Variants in WDR62 observed in about 807,000 individuals in gnomAD.
WDR62 encodes WD repeat-containing protein 62.
Under a neutral mutation model 160.6 loss-of-function variants are expected in WDR62, and 112 were observed. That is an observed-to-expected ratio of 0.70 (90% CI 0.60 to 0.82). The LOEUF (loss-of-function observed/expected upper bound fraction) is 0.82, where lower values mean the gene tolerates loss of function less well. WDR62 is among the 40% of genes least tolerant of loss of function. WDR62 has a pLI of 0.00. For synonymous variants in WDR62, 792 were observed against 815.1 expected (o/e 0.97, Z 0.48); for missense variants, 1,819 against 1,983.8 (o/e 0.92, Z 1.58).
At chr19:36,080,130 C>T (rs1206540459) in intron 9 of WDR62, among the ~76,000 whole-genome samples, 3 of 149,746 alleles carry the variant, frequency 2.0e-5, no homozygotes, top group Non-Finnish European at 3.0e-5. Context: ...TTTTTTGAGA[C>T]GGAGTCTCCC....
rs1398990905 is a variant in WDR62, at chr19:36,089,215, C to T, written c.1867C>T (p.His623Tyr). The change falls in exon 15 of 32, where the codon CAC becomes TAC. Residue 623 changes from histidine (H) to tyrosine (Y), a missense_variant. Physicochemically the swap from His to Tyr is moderately conservative, Grantham distance 83 (BLOSUM62 2). Transcript: ENST00000401500. The part of the protein sequence containing the change: ...GSDGLHFVRT[H>Y]HVAEKTTLYD... Reference sequence around the variant, plus strand: ...GGATGGACTACACTTTGTCCGTACCCACCACGTAGCAGAGAAAACCACCTT... The same window carrying T: ...GGATGGACTACACTTTGTCCGTACCTACCACGTAGCAGAGAAAACCACCTT... 6 of 1,614,204 alleles carry T rather than the reference C, an allele frequency of 3.7e-6. No individual in the cohort carries two copies. The highest frequency in any genetic ancestry group is 5.1e-6 in the Non-Finnish European group (6 of 1,180,030).
intron 19 of WDR62, 105 bp downstream of exon 19, chr19:36,092,916 C>A: frequency 6.6e-7 from 1 of 1,525,858 alleles, no homozygotes; most frequent in Non-Finnish European, 9.1e-7. Flanking sequence ...TAGGCCCTGC[C>A]CTTAGCACAC....
chr19:36,073,813 G>T (rs1971431792), intron 9 of WDR62: 6 of 483,368 alleles, frequency 1.2e-5, no homozygotes, highest in Non-Finnish European at 2.0e-5. Flanking sequence ...GAATGCAGGT[G>T]GTATTCTAGA....
intron 3 of WDR62, among the ~76,000 whole-genome samples, chr19:36,065,381 G>A (rs547196548): frequency 8.5e-5 from 13 of 152,354 alleles, no homozygotes; most frequent in African/African-American, 3.1e-4. Flanking sequence ...GGAGTAGAAG[G>A]AAACCATACA....
intron 1 of WDR62, among the ~76,000 whole-genome samples, chr19:36,057,184 A>G (rs1021611588): frequency 5.9e-5 from 9 of 152,198 alleles, no homozygotes; most frequent in African/African-American, 2.2e-4. Flanking sequence ...GAAATCTCTC[A>G]TAGGGTATTT....
chr19:36,092,548 A>C, intron 18 of WDR62, 141 bp from the exon 19 acceptor site: 1 of 1,195,926 alleles, frequency 8.4e-7, no homozygotes. Context: ...CCCCTGCACT[A>C]AGCGGATAGG....
At position 36,104,768 on chromosome 19, in the gene WDR62, T is replaced by A. The variant is rs138814793; in HGVS notation, c.4312T>A (p.Leu1438Met). The A allele has an allele frequency of 1.5e-4, 241 of 1,613,620 alleles. No homozygotes were observed. Among genetic ancestry groups the A allele is most frequent in the Admixed American group, 8.3e-5 (5 of 60,006 alleles). Residue 1438 changes from leucine (L) to methionine (M), a missense_variant and splice_region_variant, in exon 32 of 32, where the codon TTG (leucine) becomes ATG (methionine). Around this residue, in one of 3 missense-constraint regions of WDR62, gnomAD observed 770 missense variants for 734.2 expected, o/e 1.05. Transcript: ENST00000401500. ...FQEALDLYRV[L>M]VSSGQVDTGQ... ...CTGACAAGGCTGGCATCCCTTGCAG[T>A]TGGTCTCCAGTGGCCAGGTGGACAC...
chr19:36,093,547 T>C (rs1972766847), intron 19 of WDR62, among the ~76,000 whole-genome samples: 1 of 152,106 alleles, frequency 6.6e-6, no homozygotes, highest in South Asian at 2.1e-4. Context: ...CCCAGGGCAA[T>C]GTGGAGACCA....
intron 13 of WDR62, 113 bp from the exon 14 acceptor site, chr19:36,088,925 A>C: frequency 8.2e-7 from 1 of 1,224,694 alleles, no homozygotes. Flanking sequence ...CACCTTTAGG[A>C]AGCCTTGATC....
At chr19:36,104,726 C>T (rs1447033513) in intron 31 of WDR62, 42 bp from the exon 32 acceptor site, 3 of 1,613,900 alleles carry the variant, frequency 1.9e-6, no homozygotes, top group Admixed American at 1.7e-5. Flanking sequence ...CTTGAGACCG[C>T]CCGGCCTTGG....
At position 36,090,436 on chromosome 19, in the gene WDR62, C is replaced by T. The variant is rs1972522492; in HGVS notation, c.1959-9C>T. The T allele has an allele frequency of 3.1e-6, 5 of 1,614,044 alleles. No individual in the cohort carries two copies. Among genetic ancestry groups the T allele is most frequent in the Non-Finnish European group, 4.2e-6 (5 of 1,179,948 alleles). ...CCCTGTTGGCCGCAACATGCCCCTACTTCCCCAGAGTCTACAACACTGTGA... is the reference window on the plus strand; with the variant it reads ...CCCTGTTGGCCGCAACATGCCCCTATTTCCCCAGAGTCTACAACACTGTGA... On this transcript the variant is annotated splice_polypyrimidine_tract_variant and intron_variant, in intron 15 of 31. Transcript: ENST00000401500.
chr19:36,058,405 G>A (rs1033518552), intron 1 of WDR62, among the ~76,000 whole-genome samples: 1 of 152,170 alleles, frequency 6.6e-6, no homozygotes, highest in East Asian at 1.9e-4. Context: ...CCTTCTCACC[G>A]CGGCATTCGC....
chr19:36,077,905 CTTATA>C (rs1971669158), intron 9 of WDR62, among the ~76,000 whole-genome samples: 1 of 151,960 alleles, frequency 6.6e-6, no homozygotes, highest in Non-Finnish European at 1.5e-5. Flanking sequence ...CTGAATATTC[CTTATA>C]AGTGAAATCA....
In WDR62 at chr19:36,092,577, A is replaced by T. The variant is rs543933859; in HGVS notation, c.2211-112A>T. ...GGATAGGGGTGTGTTTTCCAGGAGCATCTGGAGAATGGGGTCCAGGCTGTG... is the reference window on the plus strand; with the variant it reads ...GGATAGGGGTGTGTTTTCCAGGAGCTTCTGGAGAATGGGGTCCAGGCTGTG... On this transcript the variant is annotated intron_variant, in intron 18 of 31. Coordinates refer to ENST00000401500, the MANE Select transcript of WDR62 (RefSeq NM_001083961.2). The T allele has an allele frequency of 9.7e-5, 142 of 1,464,836 alleles. No homozygotes were observed. The East Asian group carries it at 2.8e-3, about 29-fold the overall frequency. The allele number at this position is 1,464,836 out of a possible 1,614,324, so 90.7% of individuals were successfully genotyped here.
chr19:36,067,856 G>T lies in WDR62; in HGVS notation c.728G>T (p.Arg243Leu). ...KVTSTVPLVG[R>L]SGILGELHNN... The stretch of plus-strand genomic sequence containing the variant: ...ACGAGCACAGTGCCCCTTGTAGGGC[G>T]CTCGGGCATCCTGGGCGAGCTGCAC... Residue 243 changes from arginine to leucine, a missense_variant, in exon 7 of 32, where the codon CGC (arginine) becomes CTC (leucine). Around this residue, in one of 3 missense-constraint regions of WDR62, gnomAD observed 934 missense variants for 1,157.2 expected, o/e 0.81. Coordinates refer to ENST00000401500, the MANE Select transcript of WDR62 (RefSeq NM_001083961.2). 1 of 1,614,200 alleles carries T rather than the reference G, an allele frequency of 6.2e-7. No homozygotes were observed. Among genetic ancestry groups the T allele is most frequent in the Non-Finnish European group, 8.5e-7 (1 of 1,180,042 alleles).
At chr19:36,063,397 C>T (rs756824571) in intron 3 of WDR62, among the ~76,000 whole-genome samples, 12 of 151,814 alleles carry the variant, frequency 7.9e-5, no homozygotes, top group South Asian at 2.1e-4. Flanking sequence ...TACAGGCATG[C>T]GCCACCGTGC....
At chr19:36,110,909 A>G in the WDR62 span, among the ~76,000 whole-genome samples, 1 of 151,708 alleles carries the variant, frequency 6.6e-6, no homozygotes. Flanking sequence ...CCTATCCTCA[A>G]AAGCTCCCCA....
chr19:36,088,085 A>G (rs750813011), intron 13 of WDR62, among the ~76,000 whole-genome samples: 3 of 152,136 alleles, frequency 2.0e-5, no homozygotes, highest in East Asian at 1.9e-4. Flanking sequence ...CTGTGAGCCA[A>G]TGACTCCTCC....
intron 9 of WDR62, among the ~76,000 whole-genome samples, chr19:36,079,729 A>T (rs12151323): frequency 0.072 from 10,973 of 152,202 alleles, 455 homozygotes; most frequent in South Asian, 0.094. Flanking sequence ...GGTCTGTCAG[A>T]TGCCTTATTA....
Sources: gnomAD v4.1 joint callset for allele counts (sites outside exome capture counted in the v4.1 genomes callset) on GRCh38, gnomAD v4.1.1 for gene constraint, gnomAD v4.1.1 regional missense constraint, MANE v1.5 for transcripts, NCBI Gene and HGNC (gene_info 2026-07-23, HGNC 2026-07-21) for gene names.